Variants in FUT4 observed in about 807,000 individuals in gnomAD.
FUT4 encodes the protein fucosyltransferase 4, also known as alpha-(1,3)-fucosyltransferase 4.
Under a neutral mutation model 3.8 loss-of-function variants are expected in FUT4, and 1 was observed. That is an observed-to-expected ratio of 0.26 (90% CI 0.09 to 1.25). FUT4 has a LOEUF of 1.25. Ranked by LOEUF, FUT4 falls within the 50% of genes most tolerant of loss-of-function variation. FUT4 has a pLI of 0.47. For missense variants in FUT4, 880 were observed against 768.2 expected (o/e 1.15, Z -1.72); for synonymous variants, 417 against 355.3 (o/e 1.17, Z -1.95).
Position 94,544,318 on chromosome 11 carries a change from G to T in FUT4, c.185G>T (p.Arg62Leu). ...SWPAHLALAA[R>L]PARHLGGAGQ... is the part of the protein sequence containing the mutation. Reference sequence around the variant, plus strand: ...CCAGCTCACCTTGCCCTGGCGGCTCGCCCCGCCCGGCACTTGGGAGGAGCA... The same window carrying T: ...CCAGCTCACCTTGCCCTGGCGGCTCTCCCCGCCCGGCACTTGGGAGGAGCA... Residue 62 changes from arginine to leucine, a missense_variant, in exon 1 of 1, where the codon CGC (arginine) becomes CTC (leucine). Arg to Leu is a moderately radical substitution (Grantham distance 102, BLOSUM62 -2). Transcript: ENST00000358752. 3.2e-6 allele frequency: 5 copies of T among 1,553,280 alleles called. No individual in the cohort carries two copies. The highest frequency in any genetic ancestry group is 2.6e-6 in the Non-Finnish European group (3 of 1,156,240).
In FUT4 at chr11:94,544,753, C is replaced by A. The variant is rs762643692; in HGVS notation, c.620C>A (p.Pro207Gln). 15 of 1,568,032 alleles carry A rather than the reference C, an allele frequency of 9.6e-6. No individual in the cohort carries two copies. Among genetic ancestry groups the A allele is most frequent in the Non-Finnish European group, 1.1e-5 (13 of 1,165,424 alleles). The stretch of plus-strand genomic sequence containing the variant: ...GGGGGGCGCGATAGCGCCCCGAGGC[C>A]GCCCCCTGACTGCCGGCTGCGCTTC... ...PFGGRDSAPR[P>Q]PPDCRLRFNI... Residue 207 changes from proline (P) to glutamine (Q), a missense_variant, in exon 1 of 1, where the codon CCG (proline) becomes CAG (glutamine). Coordinates refer to ENST00000358752, the MANE Select transcript of FUT4 (RefSeq NM_002033.4).
rs1947881311 is a variant in FUT4 at position 94,547,867 on chromosome 11, T to G, written c.*2141T>G. 3 of 167,036 alleles carry G rather than the reference T, an allele frequency of 1.8e-5. No individual in the cohort carries two copies. Among genetic ancestry groups the G allele is most frequent in the Non-Finnish European group, 2.9e-5 (2 of 68,114 alleles). The allele number at this position is 167,036 out of a possible 1,614,324, so 10.3% of individuals were successfully genotyped here. On this transcript the variant is annotated 3_prime_UTR_variant, in exon 1 of 1. Coordinates refer to ENST00000358752, the MANE Select transcript of FUT4 (RefSeq NM_002033.4). ...CTATAAAATGACTGGCGAAAATACT[T>G]CACAAGCTCATTTTGAGCACTTTAG...
rs377261715 is a variant in FUT4, at chr11:94,545,697, C to T, written c.1564C>T (p.Arg522Trp). Reference sequence around the variant, plus strand: ...GGCTGGGGACCGGCCCAAGAGCATACGGAACTTGGCCAGCTGGTTCGAGCG... The same window carrying T: ...GGCTGGGGACCGGCCCAAGAGCATATGGAACTTGGCCAGCTGGTTCGAGCG... ...QRAGDRPKSI[R>W]NLASWFER is the part of the protein sequence containing the mutation. Residue 522 changes from arginine (R) to tryptophan (W), a missense_variant, in exon 1 of 1, where the codon CGG (arginine) becomes TGG (tryptophan). Physicochemically the swap from Arg to Trp is moderately radical, Grantham distance 101. This residue lies in a region of FUT4 where 424 missense variants were observed against 400.4 expected (regional missense o/e 1.06). Transcript: ENST00000358752. 193 of 1,611,806 alleles carry T rather than the reference C, an allele frequency of 1.2e-4. No individual in the cohort carries two copies. Among genetic ancestry groups the T allele is most frequent in the Admixed American group, 2.2e-4 (13 of 59,966 alleles).
In FUT4 at chr11:94,544,943, C is replaced by G. The variant is rs760079298; in HGVS notation, c.810C>G (p.Tyr270Ter). 1.4e-5 allele frequency: 23 copies of G among 1,606,202 alleles called. No homozygotes were observed. The highest frequency in any genetic ancestry group is 2.0e-5 in the Non-Finnish European group (23 of 1,176,924). The change falls in exon 1 of 1, where the codon TAC becomes TAG. Residue 270 changes from tyrosine (Y) to a stop codon, truncating the protein, a stop_gained. Coordinates refer to ENST00000358752, the MANE Select transcript of FUT4 (RefSeq NM_002033.4). LOFTEE classifies it low-confidence loss of function (END_TRUNC). Reference sequence around the variant, plus strand: ...AGGTGGATCTGCGCGTGTTGGACTACGAGGAGGCAGCGGCGGCGGCAGAAG... The same window carrying G: ...AGGTGGATCTGCGCGTGTTGGACTAGGAGGAGGCAGCGGCGGCGGCAGAAG... ...AEEVDLRVLD[Y>*]EEAAAAAEAL...
At position 94,545,661 on chromosome 11, in the gene FUT4, G is replaced by T. The variant is rs763456816; in HGVS notation, c.1528G>T (p.Ala510Ser). The change falls in exon 1 of 1, where the codon GCT becomes TCT. Residue 510 changes from alanine (A) to serine (S), a missense_variant. This residue lies in a region of FUT4 where 424 missense variants were observed against 400.4 expected (regional missense o/e 1.06). Transcript: ENST00000358752. ...WDEPWCRVCQ[A>S]VQRAGDRPKS... ...CGAGCCTTGGTGCCGGGTGTGCCAG[G>T]CTGTACAGAGGGCTGGGGACCGGCC... The T allele has an allele frequency of 2.5e-6, 4 of 1,612,614 alleles. No individual in the cohort carries two copies. Among genetic ancestry groups the T allele is most frequent in the Admixed American group, 1.7e-5 (1 of 60,030 alleles).
rs981250297 is a variant in FUT4 at position 94,549,417 on chromosome 11, C to G, written c.*3691C>G. The G allele has an allele frequency of 6.0e-6, 1 of 167,040 alleles. No individual in the cohort carries two copies. Among genetic ancestry groups the G allele is most frequent in the African/African-American group, 2.4e-5 (1 of 41,432 alleles). The allele number at this position is 167,040 out of a possible 1,614,324, so 10.3% of individuals were successfully genotyped here. A position where few individuals can be genotyped will look rare whatever the true frequency, so the allele number is the denominator to read the frequency against. ...CAGCCATGCTTCTGCAAATCACAAC[C>G]TCTTTGAGCCTCTGTCACCTGAACT... On this transcript the variant is annotated 3_prime_UTR_variant, in exon 1 of 1. Transcript: ENST00000358752.
Position 94,544,868 on chromosome 11 carries a change from G to A in FUT4, c.735G>A (p.Gly245=), listed in dbSNP as rs761383704. 23 of 1,608,634 alleles carry A rather than the reference G, an allele frequency of 1.4e-5. No homozygotes were observed. In the East Asian group the frequency reaches 4.9e-4, roughly 34 times the overall value. The stretch of plus-strand genomic sequence containing the variant: ...TCCACCACCGCGACCTCGTGAAGGG[G>A]CCCCCCGACTGGCCCCCGCCCTGGG... ...VLFHHRDLVK[G]PPDWPPPWGI... is the part of the protein sequence containing the mutation. Residue 245 remains glycine (G), a synonymous_variant, in exon 1 of 1, where the codon GGG becomes GGA. Coordinates refer to ENST00000358752, the MANE Select transcript of FUT4 (RefSeq NM_002033.4).
Position 94,544,379 on chromosome 11 carries a change from C to T in FUT4, c.246C>T (p.Ala82=). The T allele has an allele frequency of 6.5e-7, 1 of 1,543,090 alleles. No individual in the cohort carries two copies. Among genetic ancestry groups the T allele is most frequent in the Non-Finnish European group, 8.7e-7 (1 of 1,152,738 alleles). Residue 82 remains alanine (A), a synonymous_variant, in exon 1 of 1, where the codon GCC becomes GCT. Transcript: ENST00000358752. The part of the protein sequence containing the change: ...QGPRPLHSGT[A]PFHSRASGER... The stretch of plus-strand genomic sequence containing the variant: ...CGCGGCCTTTGCATTCTGGGACCGC[C>T]CCCTTCCATTCCCGGGCCAGCGGCG...
At position 94,546,083 on chromosome 11, in the gene FUT4, T is replaced by A. The variant is rs1205191510; in HGVS notation, c.*357T>A. On this transcript the variant is annotated 3_prime_UTR_variant, in exon 1 of 1. Transcript: ENST00000358752. ...ATTTCCCCATCTGCCACAGGCCATA[T>A]TTGTGGCCCGTGCAGCTTCCAAATC... is the stretch of plus-strand genomic sequence containing the variant. The A allele has an allele frequency of 2.5e-6, 1 of 392,972 alleles. No homozygotes were observed. Among genetic ancestry groups the A allele is most frequent in the African/African-American group, 2.1e-5 (1 of 47,718 alleles). 24.3% of individuals were successfully genotyped at this position (392,972 alleles called of 1,614,324 possible).
Position 94,545,533 on chromosome 11 carries a change from C to G in FUT4, c.1400C>G (p.Ser467Cys). The G allele has an allele frequency of 6.2e-7, 1 of 1,613,814 alleles. No individual in the cohort carries two copies. The highest frequency in any genetic ancestry group is 8.5e-7 in the Non-Finnish European group (1 of 1,180,006). ...GTGGACGACTTCCCAAGTGCCTCCT[C>G]CCTGGCCTCGTACCTGCTTTTCCTC... ...IHVDDFPSAS[S>C]LASYLLFLDR... Residue 467 changes from serine to cysteine, a missense_variant, in exon 1 of 1, where the codon TCC becomes TGC. Transcript: ENST00000358752.
chr11:94,544,913 C>T lies in FUT4; in HGVS notation c.780C>T (p.Ala260=), dbSNP rs745830051. 5 of 1,608,710 alleles carry T rather than the reference C, an allele frequency of 3.1e-6. No homozygotes were observed. Among genetic ancestry groups the T allele is most frequent in the Non-Finnish European group, 4.2e-6 (5 of 1,178,582 alleles). Residue 260 remains alanine (A), a synonymous_variant, in exon 1 of 1, where the codon GCC becomes GCT. Coordinates refer to ENST00000358752, the MANE Select transcript of FUT4 (RefSeq NM_002033.4). ...PPPWGIQAHT[A]EEVDLRVLDY... ...CCTGGGGCATCCAGGCGCACACTGC[C>T]GAGGAGGTGGATCTGCGCGTGTTGG...
chr11:94,545,870 A>G lies in FUT4; in HGVS notation c.*144A>G. 1 of 1,020,706 alleles carries G rather than the reference A, an allele frequency of 9.8e-7. No homozygotes were observed. The highest frequency in any genetic ancestry group is 2.0e-5 in the Admixed American group (1 of 50,370). 63.2% of individuals were successfully genotyped at this position (1,020,706 alleles called of 1,614,324 possible). A position where few individuals can be genotyped will look rare whatever the true frequency, so the allele number is the denominator to read the frequency against. On this transcript the variant is annotated 3_prime_UTR_variant, in exon 1 of 1. Coordinates refer to ENST00000358752, the MANE Select transcript of FUT4 (RefSeq NM_002033.4). ...CTCTATGGGAAAAAAACGATTTACCAATTAATATTACTCAGCACAGAGATG... is the reference window on the plus strand; with the variant it reads ...CTCTATGGGAAAAAAACGATTTACCGATTAATATTACTCAGCACAGAGATG...
chr11:94,545,302 G>T lies in FUT4; in HGVS notation c.1169G>T (p.Gly390Val). Residue 390 changes from glycine (G) to valine (V), a missense_variant, in exon 1 of 1, where the codon GGG (glycine) becomes GTG (valine). By Grantham distance (109) the Gly-to-Val change is moderately radical. Coordinates refer to ENST00000358752, the MANE Select transcript of FUT4 (RefSeq NM_002033.4). ...ACCGTGGACGTGTTCGGCCGGGGCG[G>T]GCCGGGGCAGCCGGTGCCCGAAATT... ...HVTVDVFGRGGPGQPVPEIGL... is the reference protein window; with the variant it reads ...HVTVDVFGRGVPGQPVPEIGL... The T allele has an allele frequency of 6.2e-7, 1 of 1,612,188 alleles. No homozygotes were observed.
rs1212430008 is a variant in FUT4, at chr11:94,548,644, A to T, written c.*2918A>T. ...GGCAATTGCTCATTTTATTTTGCATATATTAAATTGAGTAGGTTCAGCTCT... is the reference window on the plus strand; with the variant it reads ...GGCAATTGCTCATTTTATTTTGCATTTATTAAATTGAGTAGGTTCAGCTCT... On this transcript the variant is annotated 3_prime_UTR_variant, in exon 1 of 1. Transcript: ENST00000358752. 6.0e-6 allele frequency: 1 copy of T among 167,108 alleles called. No homozygotes were observed. The highest frequency in any genetic ancestry group is 1.9e-4 in the East Asian group (1 of 5,208). 10.4% of individuals were successfully genotyped at this position (167,108 alleles called of 1,614,324 possible).
Position 94,546,047 on chromosome 11 carries a change from C to T in FUT4, c.*321C>T. On this transcript the variant is annotated 3_prime_UTR_variant, in exon 1 of 1. Transcript: ENST00000358752. ...GCTTAGCGGCAAGAAGCCGTTGAGG[C>T]GGTTTCCTGAATTTCCCCATCTGCC... The T allele has an allele frequency of 2.3e-6, 1 of 434,310 alleles. No homozygotes were observed. The highest frequency in any genetic ancestry group is 2.1e-5 in the South Asian group (1 of 48,340). 26.9% of individuals were successfully genotyped at this position (434,310 alleles called of 1,614,324 possible).
chr11:94,544,698 G>GT lies in FUT4; in HGVS notation c.566dup (p.Val191ArgfsTer13). On this transcript the variant is annotated frameshift_variant, in exon 1 of 1. Coordinates refer to ENST00000358752, the MANE Select transcript of FUT4 (RefSeq NM_002033.4). LOFTEE classifies it low-confidence loss of function (END_TRUNC). Reference sequence around the variant, plus strand: ...GGCGTCGCCAACCCCGTCGCGACCGGTGGGCGTGCTGCTGTGGTGGGAGCC... The same window carrying GT: ...GGCGTCGCCAACCCCGTCGCGACCGGTTGGGCGTGCTGCTGTGGTGGGAGCC... 1 of 1,546,570 alleles carries GT rather than the reference G, an allele frequency of 6.5e-7. No individual in the cohort carries two copies.
At position 94,545,085 on chromosome 11, in the gene FUT4, C is replaced by G; in HGVS notation, c.952C>G (p.Leu318Val). 1 of 1,612,716 alleles carries G rather than the reference C, an allele frequency of 6.2e-7. No individual in the cohort carries two copies. Among genetic ancestry groups the G allele is most frequent in the Non-Finnish European group, 8.5e-7 (1 of 1,179,798 alleles). ...GGCAAGTAACCTCTTCAACTGGACG[C>G]TCTCCTACCGGGCGGACTCGGACGT... is the stretch of plus-strand genomic sequence containing the variant. ...SLASNLFNWTLSYRADSDVFV... is the reference protein window; with the variant it reads ...SLASNLFNWTVSYRADSDVFV... The change falls in exon 1 of 1, where the codon CTC becomes GTC. Residue 318 changes from leucine to valine, a missense_variant. Leu to Val is a conservative substitution (Grantham distance 32, BLOSUM62 1). This residue lies in a region of FUT4 where 424 missense variants were observed against 400.4 expected (regional missense o/e 1.06). Transcript: ENST00000358752.
At position 94,546,292 on chromosome 11, in the gene FUT4, G is replaced by C; in HGVS notation, c.*566G>C. Reference sequence around the variant, plus strand: ...GGAGGGCAGTCCAAGAGGGGCCGCTGACTTCTTTCACAAGTACTATCTGTT... The same window carrying C: ...GGAGGGCAGTCCAAGAGGGGCCGCTCACTTCTTTCACAAGTACTATCTGTT... On this transcript the variant is annotated 3_prime_UTR_variant, in exon 1 of 1. Transcript: ENST00000358752. The C allele has an allele frequency of 4.3e-6, 1 of 234,088 alleles. No individual in the cohort carries two copies. The highest frequency in any genetic ancestry group is 9.3e-6 in the Non-Finnish European group (1 of 107,756). The allele number at this position is 234,088 out of a possible 1,614,324, so 14.5% of individuals were successfully genotyped here.
rs1387845069 is a variant in FUT4, at chr11:94,544,543, C to T, written c.410C>T (p.Ala137Val). 2 of 1,289,228 alleles carry T rather than the reference C, an allele frequency of 1.6e-6. No individual in the cohort carries two copies. Among genetic ancestry groups the T allele is most frequent in the Non-Finnish European group, 1.9e-6 (2 of 1,026,024 alleles). The allele number at this position is 1,289,228 out of a possible 1,614,324, so 79.9% of individuals were successfully genotyped here. A position where few individuals can be genotyped will look rare whatever the true frequency, so the allele number is the denominator to read the frequency against. Residue 137 changes from alanine to valine, a missense_variant, in exon 1 of 1, where the codon GCG (alanine) becomes GTG (valine). Transcript: ENST00000358752. The part of the protein sequence containing the change: ...GAPWGSPTAA[A>V]GGRRGWRRGR... ...CCGTGGGGCTCGCCGACGGCGGCGG[C>T]GGGCGGGCGGCGCGGGTGGCGCCGA...
Sources: allele counts gnomAD v4.1 joint callset, GRCh38; gene constraint gnomAD v4.1.1; regional missense constraint gnomAD v4.1.1; transcripts MANE v1.5; gene names NCBI Gene and HGNC (gene_info 2026-07-23, HGNC 2026-07-21).